Variants in MEFV observed in about 807,000 individuals in gnomAD.
MEFV encodes the protein pyrin.
In MEFV, 60 loss-of-function variants were observed where a neutral mutation model predicts 62.5. The observed-to-expected ratio is 0.96, with a 90% CI of 0.78 to 1.19. The LOEUF (loss-of-function observed/expected upper bound fraction) is 1.19, where lower values mean the gene tolerates loss of function less well. MEFV is among the 50% of genes most tolerant of loss of function. MEFV has a pLI of 0.00. For synonymous variants in MEFV, 500 were observed against 415.2 expected (o/e 1.20, Z -2.48); for missense variants, 1,169 against 1,004.5 (o/e 1.16, Z -2.21).
chr16:3,246,426 G>A (rs1011566709), intron 6 of MEFV, 99 bp downstream of exon 6: 17 of 1,392,426 alleles, frequency 1.2e-5, no homozygotes, highest in South Asian at 3.5e-5. Context: ...CACAGACCCC[G>A]GGGTTGGGAA....
rs189903825 is a variant in MEFV, at chr16:3,246,687, G to A, written c.1588-140C>T. The A allele has an allele frequency of 4.4e-6, 4 of 916,776 alleles. No individual in the cohort carries two copies. In the East Asian group the frequency reaches 1.0e-4, roughly 24 times the overall value. 56.8% of individuals were successfully genotyped at this position (916,776 alleles called of 1,614,324 possible). A position where few individuals can be genotyped will look rare whatever the true frequency, so the allele number is the denominator to read the frequency against. Reference sequence around the variant, plus strand: ...TCCCTGCCCTAGGGTGTCAGTGGAAGTGGAGCACCTTTCTTCAAGTCTAAT... The same window carrying A: ...TCCCTGCCCTAGGGTGTCAGTGGAAATGGAGCACCTTTCTTCAAGTCTAAT... On this transcript the variant is annotated intron_variant, in intron 5 of 9. Coordinates refer to ENST00000219596, the MANE Select transcript of MEFV (RefSeq NM_000243.3).
In MEFV at chr16:3,249,631, G is replaced by A. The variant is rs104895116; in HGVS notation, c.1060C>T (p.Arg354Trp). ...TTCCTTTCATGGGAGTCCTGGCACC[G>A]GGGGCAGCCAGGTGAGCGGCTGCCT... is the stretch of plus-strand genomic sequence containing the variant. The part of the protein sequence containing the change: ...ASGSRSPGCP[R>W]CQDSHERKSP... The change falls in exon 3 of 10, where the codon CGG (arginine) becomes TGG (tryptophan). Residue 354 changes from arginine to tryptophan, a missense_variant. Physicochemically the swap from Arg to Trp is moderately radical, Grantham distance 101. Coordinates refer to ENST00000219596, the MANE Select transcript of MEFV (RefSeq NM_000243.3). The A allele has an allele frequency of 3.3e-5, 53 of 1,613,642 alleles. No individual in the cohort carries two copies. The highest frequency in any genetic ancestry group is 1.2e-4 in the South Asian group (11 of 91,034).
intron 3 of MEFV, 105 bp downstream of exon 3, chr16:3,249,326 A>C: frequency 3.8e-6 from 4 of 1,041,830 alleles, no homozygotes; most frequent in Non-Finnish European, 5.9e-6. Context: ...CAGCCCAAGA[A>C]TGCTGGTTAA....
chr16:3,256,483 C>T lies in MEFV; in HGVS notation c.105G>A (p.Lys35=). The T allele has an allele frequency of 3.7e-6, 6 of 1,614,190 alleles. No individual in the cohort carries two copies. Among genetic ancestry groups the T allele is most frequent in the Non-Finnish European group, 5.1e-6 (6 of 1,180,040 alleles). The change falls in exon 1 of 10, where the codon AAG becomes AAA. Residue 35 remains lysine, a synonymous_variant. Transcript: ENST00000219596. ...KFKLQNTSVQ[K]EHSRIPRSQI... The stretch of plus-strand genomic sequence containing the variant: ...GGCTCCGGGGGATCCTGGAGTGCTC[C>T]TTCTGCACACTGGTGTTCTGCAGCT...
chr16:3,254,477 G>GC lies in MEFV; in HGVS notation c.590dup (p.Gln198ProfsTer44), dbSNP rs1048716809. The GC allele has an allele frequency of 3.8e-6, 6 of 1,594,690 alleles. No homozygotes were observed. The highest frequency in any genetic ancestry group is 5.1e-6 in the Non-Finnish European group (6 of 1,171,994). On this transcript the variant is annotated frameshift_variant, in exon 2 of 10. Coordinates refer to ENST00000219596, the MANE Select transcript of MEFV (RefSeq NM_000243.3). LOFTEE classifies it high-confidence loss of function. The stretch of plus-strand genomic sequence containing the variant: ...TTCTGCGCAGCCGGACCTCGGCCTG[G>GC]CCCCCCTCTAGCGCCCTGCAGGGGC...
chr16:3,243,387 C>G lies in MEFV; in HGVS notation c.2100G>C (p.Gln700His), dbSNP rs1334526084. The change falls in exon 10 of 10, where the codon CAG becomes CAC. Residue 700 changes from glutamine to histidine, a missense_variant. Transcript: ENST00000219596. The part of the protein sequence containing the change: ...VVIMMKENEY[Q>H]ASSVPPTRLL... ...GGCGGGTCGGGGGAACGCTGGACGC[C>G]TGGTACTCATTTTCCTTCATCATTA... The G allele has an allele frequency of 6.2e-7, 1 of 1,614,132 alleles. No individual in the cohort carries two copies. Among genetic ancestry groups the G allele is most frequent in the East Asian group, 2.2e-5 (1 of 44,882 alleles).
Position 3,249,619 on chromosome 16 carries a change from A to C in MEFV, c.1072T>G (p.Ser358Ala). The C allele has an allele frequency of 6.2e-7, 1 of 1,614,050 alleles. No individual in the cohort carries two copies. Among genetic ancestry groups the C allele is most frequent in the Non-Finnish European group, 8.5e-7 (1 of 1,179,950 alleles). ...CTTCCCGGGCTCTTCCTTTCATGGG[A>C]GTCCTGGCACCGGGGGCAGCCAGGT... ...RSPGCPRCQD[S>A]HERKSPGSLS... Residue 358 changes from serine (S) to alanine (A), a missense_variant, in exon 3 of 10, where the codon TCC becomes GCC. By Grantham distance (99) the Ser-to-Ala change is moderately conservative (BLOSUM62 1). Coordinates refer to ENST00000219596, the MANE Select transcript of MEFV (RefSeq NM_000243.3).
chr16:3,255,923 G>A (rs758136292), intron 1 of MEFV, among the ~76,000 whole-genome samples: 10 of 151,940 alleles, frequency 6.6e-5, no homozygotes, highest in Non-Finnish European at 1.5e-4. Flanking sequence ...CCAACATGGT[G>A]AACAGCACTG....
At chr16:3,251,951 G>A (rs749444736) in intron 2 of MEFV, 3 of 395,304 alleles carry the variant, frequency 7.6e-6, no homozygotes, top group East Asian at 7.8e-5. Context: ...GTGCAGTGGT[G>A]CACACCTGTA....
chr16:3,249,673 C>G lies in MEFV; in HGVS notation c.1018G>C (p.Gly340Arg), dbSNP rs1959002154. ...CGGCTGCCTGAGGCCTGGGGGTGCC[C>G]AGAAACTGCCTCGGGGAAGCTGCAG... ...DSCSFPEAVS[G>R]HPQASGSRSP... is the part of the protein sequence containing the mutation. The change falls in exon 3 of 10, where the codon GGG (glycine) becomes CGG (arginine). Residue 340 changes from glycine to arginine, a missense_variant. Physicochemically the swap from Gly to Arg is moderately radical, Grantham distance 125 (BLOSUM62 -2). Transcript: ENST00000219596. The G allele has an allele frequency of 1.2e-6, 2 of 1,612,878 alleles. No individual in the cohort carries two copies. The highest frequency in any genetic ancestry group is 1.7e-6 in the Non-Finnish European group (2 of 1,179,100).
At chr16:3,255,320 A>T (rs1169130861) in intron 1 of MEFV, among the ~76,000 whole-genome samples, 2 of 152,170 alleles carry the variant, frequency 1.3e-5, no homozygotes, top group Non-Finnish European at 2.9e-5. Flanking sequence ...CCATCTCAAA[A>T]ACAAAAGTTC....
rs11466018 is a variant in MEFV at position 3,254,739 on chromosome 16, A to G, written c.329T>C (p.Leu110Pro). The change falls in exon 2 of 10, where the codon CTG becomes CCG. Residue 110 changes from leucine to proline, a missense_variant. Leu to Pro is a moderately conservative substitution (Grantham distance 98). Transcript: ENST00000219596. ...CAGGCTCCTGGGCTTGTTCTCCCCC[A>G]GGGAGCTGGACGCTGCGGAATCATC... ...GTDDSAASSS[L>P]GENKPRSLKT... 2.4e-3 allele frequency: 3,885 copies of G among 1,612,772 alleles called. 136 individuals carry two copies. The East Asian group carries it at 0.076, about 31-fold the overall frequency.
chr16:3,243,869 C>T lies in MEFV; in HGVS notation c.1783G>A (p.Ala595Thr), dbSNP rs369069000. The T allele has an allele frequency of 7.4e-6, 12 of 1,613,800 alleles. No individual in the cohort carries two copies. The African/African-American group carries it at 1.6e-4, about 22-fold the overall frequency. The change falls in exon 9 of 10, where the codon GCA becomes ACA. Residue 595 changes from alanine (A) to threonine (T), a missense_variant. By Grantham distance (58) the Ala-to-Thr change is moderately conservative. Coordinates refer to ENST00000219596, the MANE Select transcript of MEFV (RefSeq NM_000243.3). ...FNVPELIGAQAHAVNVILDAE... is the reference protein window; with the variant it reads ...FNVPELIGAQTHAVNVILDAE... ...TGATCTGGGCACTTACCAGCATGTG[C>T]CTGAGCGCCAATCAGCTCCGGAACT...
intron 2 of MEFV, among the ~76,000 whole-genome samples, chr16:3,251,220 A>G (rs1338632261): frequency 6.6e-6 from 1 of 151,880 alleles, no homozygotes; most frequent in African/African-American, 2.4e-5. Flanking sequence ...CCTGCCTCCC[A>G]TTGCCCCCCA....
chr16:3,243,940 A>T, intron 8 of MEFV, 48 bp from the exon 9 acceptor site: 1 of 1,610,112 alleles, frequency 6.2e-7, no homozygotes, highest in South Asian at 1.1e-5. Context: ...CATTAGCATT[A>T]AGAGGGGCTA....
chr16:3,246,446 C>T, intron 6 of MEFV, 79 bp downstream of exon 6: 1 of 1,552,288 alleles, frequency 6.4e-7, no homozygotes, highest in Non-Finnish European at 8.9e-7. Context: ...ACATCTCCCT[C>T]CCAGGTCCCT....
chr16:3,248,542 A>G (rs1013313801), intron 4 of MEFV: 3 of 319,260 alleles, frequency 9.4e-6, no homozygotes, highest in African/African-American at 4.3e-5. Context: ...GTGAGCCAAG[A>G]TCACACCACT....
At chr16:3,243,916 A>G in intron 8 of MEFV, 24 bp from the exon 9 acceptor site, 1 of 1,612,618 alleles carries the variant, frequency 6.2e-7, no homozygotes, top group African/African-American at 1.3e-5. Flanking sequence ...TCAGATAGGG[A>G]AAAAAATCCT....
Position 3,246,498 on chromosome 16 carries a change from A to G in MEFV, c.1610+27T>C, listed in dbSNP as rs781704530. The G allele has an allele frequency of 9.3e-6, 15 of 1,613,794 alleles. No homozygotes were observed. In the Admixed American group the frequency reaches 2.5e-4, roughly 27 times the overall value. On this transcript the variant is annotated intron_variant, in intron 6 of 9. Transcript: ENST00000219596. ...CCATATGCTTTCTGCAAGACACCCC[A>G]GGGTACACCACAGGACCTCGCTGTA...
Sources: allele counts gnomAD v4.1 joint callset (sites outside exome capture counted in the v4.1 genomes callset), GRCh38; gene constraint gnomAD v4.1.1; transcripts MANE v1.5; gene names NCBI Gene and HGNC (gene_info 2026-07-23, HGNC 2026-07-21).